SRMS: variants seen among roughly 807,000 people sequenced by gnomAD.
SRMS encodes the protein src-related kinase lacking C-terminal regulatory tyrosine and N-terminal myristylation sites, also known as tyrosine-protein kinase Srms.
In SRMS, 42 loss-of-function variants were observed where a neutral mutation model predicts 43.5. That is an observed-to-expected ratio of 0.97 (90% confidence interval 0.75 to 1.25). The LOEUF is 1.25. SRMS is among the 50% of genes most tolerant of loss of function. The probability of loss-of-function intolerance (pLI) is 0.00; values close to 1 mark genes in which losing one functional copy is unlikely to be tolerated. For synonymous variants in SRMS, 316 were observed against 308.2 expected, an observed-to-expected ratio of 1.03 and a Z score of -0.27; for missense variants, 703 against 681.0, an observed-to-expected ratio of 1.03 and a Z score of -0.36.
intron 1 of SRMS, among the ~76,000 whole-genome samples, chr20:63,544,891 A>G (rs2082723066): frequency 6.6e-6 from 1 of 152,174 alleles, no homozygotes; most frequent in South Asian, 2.1e-4. Flanking sequence ...GGAGGTCAGG[A>G]GGGGCAGCCA....
chr20:63,544,373 AC>A, intron 1 of SRMS, 25 bp from the exon 2 acceptor site: 1 of 1,454,230 alleles, frequency 6.9e-7, no homozygotes, highest in East Asian at 2.9e-5. Context: ...TGCGGCAGTC[AC>A]CTTGCAGGCC....
rs200526906 is a variant in SRMS, at chr20:63,547,270, C to T, written c.194G>A (p.Arg65Gln). ...LFLALYDFTA[R>Q]CGGELSVRRG... ...GCGGACACTCAGCTCCCCGCCACACCGCGCCGTGAAGTCATAGAGCGCAAG... is the reference window on the plus strand; with the variant it reads ...GCGGACACTCAGCTCCCCGCCACACTGCGCCGTGAAGTCATAGAGCGCAAG... Residue 65 changes from arginine to glutamine, a missense_variant, in exon 1 of 8, where the codon CGG (arginine) becomes CAG (glutamine). By Grantham distance (43) the Arg-to-Gln change is conservative (BLOSUM62 1). Coordinates refer to ENST00000217188, the MANE Select transcript of SRMS (RefSeq NM_080823.4). 2.1e-4 allele frequency: 340 copies of T among 1,610,204 alleles called. No individual in the cohort carries two copies. The highest frequency in any genetic ancestry group is 1.2e-4 in the South Asian group (11 of 90,834).
rs369945958 is a variant in SRMS at position 63,542,437 on chromosome 20, C to T, written c.787+3G>A. On this transcript the variant is annotated splice_donor_region_variant and intron_variant, in intron 4 of 7. Transcript: ENST00000217188. Reference sequence around the variant, plus strand: ...GCCGTGGCGCAGGATCTCGGGGCCTCACCTGACTTGATGACCTTGATCGCC... The same window carrying T: ...GCCGTGGCGCAGGATCTCGGGGCCTTACCTGACTTGATGACCTTGATCGCC... The T allele has an allele frequency of 2.5e-6, 4 of 1,610,736 alleles. No homozygotes were observed. In the African/African-American group the frequency reaches 5.3e-5, roughly 22 times the overall value.
rs2145987461 is a variant in SRMS, at chr20:63,547,299, G to C, written c.165C>G (p.Leu55=). ...CCGTGAAGTCATAGAGCGCAAGGAA[G>C]AGCTGAGGGAAGGGGCTGCAAGGCT... The part of the protein sequence containing the change: ...PAEPCSPFPQ[L]FLALYDFTAR... The change falls in exon 1 of 8, where the codon CTC becomes CTG. Residue 55 remains leucine (L), a synonymous_variant. Transcript: ENST00000217188. 4 of 1,603,824 alleles carry C rather than the reference G, an allele frequency of 2.5e-6. No individual in the cohort carries two copies. The highest frequency in any genetic ancestry group is 2.6e-6 in the Non-Finnish European group (3 of 1,173,586).
At position 63,547,275 on chromosome 20, in the gene SRMS, C is replaced by A; in HGVS notation, c.189G>T (p.Thr63=). ...PQLFLALYDF[T]ARCGGELSVR... ...CACTCAGCTCCCCGCCACACCGCGC[C>A]GTGAAGTCATAGAGCGCAAGGAAGA... Residue 63 remains threonine, a synonymous_variant, in exon 1 of 8, where the codon ACG becomes ACT. Transcript: ENST00000217188. 3 of 1,610,096 alleles carry A rather than the reference C, an allele frequency of 1.9e-6. No individual in the cohort carries two copies. The highest frequency in any genetic ancestry group is 1.7e-6 in the Non-Finnish European group (2 of 1,178,200).
intron 1 of SRMS, among the ~76,000 whole-genome samples, chr20:63,544,640 AG>A (rs1398073293): frequency 1.2e-4 from 18 of 152,038 alleles, no homozygotes; most frequent in African/African-American, 3.9e-4. Flanking sequence ...CCCCAGCCAC[AG>A]GTTAACAGTC....
intron 3 of SRMS, 58 bp from the exon 4 acceptor site, chr20:63,542,639 G>C: frequency 6.5e-7 from 1 of 1,533,790 alleles, no homozygotes; most frequent in Non-Finnish European, 8.8e-7. Context: ...TCTGTCCCAG[G>C]CACAGCCCCC....
chr20:63,545,824 C>T (rs750558544), intron 1 of SRMS, among the ~76,000 whole-genome samples: 1 of 152,096 alleles, frequency 6.6e-6, no homozygotes, highest in Non-Finnish European at 1.5e-5. Context: ...AACCCTCTCA[C>T]GTGTAAAGGG....
Position 63,542,546 on chromosome 20 carries a change from G to A in SRMS, c.681C>T (p.His227=). 1 of 1,612,492 alleles carries A rather than the reference G, an allele frequency of 6.2e-7. No individual in the cohort carries two copies. The highest frequency in any genetic ancestry group is 1.1e-5 in the South Asian group (1 of 91,080). ...GCTTCCTCCCAAGGGCGAATTCGGAGTGTGGCCGCTCCCACACGTCCTGCC... is the reference window on the plus strand; with the variant it reads ...GCTTCCTCCCAAGGGCGAATTCGGAATGTGGCCGCTCCCACACGTCCTGCC... ...APRQDVWERP[H]SEFALGRKLG... Residue 227 remains histidine (H), a synonymous_variant, in exon 4 of 8, where the codon CAC becomes CAT. Coordinates refer to ENST00000217188, the MANE Select transcript of SRMS (RefSeq NM_080823.4).
intron 1 of SRMS, among the ~76,000 whole-genome samples, chr20:63,546,065 A>G (rs1467196495): frequency 6.6e-6 from 1 of 152,080 alleles, no homozygotes; most frequent in African/African-American, 2.4e-5. Context: ...CAGCCTAGGC[A>G]AATAGTCATT....
chr20:63,544,297 G>C lies in SRMS; in HGVS notation c.408C>G (p.Ser136=). The C allele has an allele frequency of 6.7e-7, 1 of 1,484,938 alleles. No individual in the cohort carries two copies. Among genetic ancestry groups the C allele is most frequent in the Non-Finnish European group, 8.9e-7 (1 of 1,118,680 alleles). 92.0% of individuals were successfully genotyped at this position (1,484,938 alleles called of 1,614,324 possible). The change falls in exon 2 of 8, where the codon TCC becomes TCG. Residue 136 remains serine (S), a synonymous_variant. Coordinates refer to ENST00000217188, the MANE Select transcript of SRMS (RefSeq NM_080823.4). The stretch of plus-strand genomic sequence containing the variant: ...GGAAGGCCCCTGGTTCGTTGGGTGG[G>C]GAGAGGAGCAGCTGCTGTGCCTGGG... ...SRTQAQQLLL[S]PPNEPGAFLI...
At chr20:63,546,975 A>T (rs1395316602) in intron 1 of SRMS, 133 bp downstream of exon 1, 1 of 857,334 alleles carries the variant, frequency 1.2e-6, no homozygotes, top group Non-Finnish European at 1.7e-6. Flanking sequence ...CTGTCCCTGA[A>T]TGAATGCGTG....
At chr20:63,543,165 G>A (rs1302801918) in intron 3 of SRMS, 149 bp downstream of exon 3, 10 of 943,802 alleles carry the variant, frequency 1.1e-5, no homozygotes, top group Non-Finnish European at 1.4e-5. Flanking sequence ...TGGAACCGCT[G>A]GGATGCTCCG....
intron 2 of SRMS, chr20:63,543,759 T>G: frequency 2.4e-6 from 1 of 420,820 alleles, no homozygotes; most frequent in South Asian, 5.8e-5. Flanking sequence ...AGTCAGTGAA[T>G]GAATGAAGGA....
rs540267170 is a variant in SRMS, at chr20:63,545,000, G to C, written c.357-652C>G. On this transcript the variant is annotated intron_variant, in intron 1 of 7. Transcript: ENST00000217188. ...GTACAGGACGGCCCTAAGCCCACTGGCGTCTGTTCGCACAGACACCCCCTC... is the reference window on the plus strand; with the variant it reads ...GTACAGGACGGCCCTAAGCCCACTGCCGTCTGTTCGCACAGACACCCCCTC... Among the ~76,000 whole-genome samples the C allele has an allele frequency of 1.6e-3, 245 of 152,334 alleles. 1 individual carries two copies. Among genetic ancestry groups the C allele is most frequent in the Middle Eastern group, 6.8e-3 (2 of 294 alleles).
rs1421751237 is a variant in SRMS at position 63,540,814 on chromosome 20, G to C, written c.*4C>G. 3 of 1,595,250 alleles carry C rather than the reference G, an allele frequency of 1.9e-6. No individual in the cohort carries two copies. The South Asian group carries it at 3.3e-5, about 18-fold the overall frequency. ...GAGCCCAGAGCGTTGGGTCACGTGA[G>C]GACTCAGGGGTGGCATCTGTGGATG... On this transcript the variant is annotated 3_prime_UTR_variant, in exon 8 of 8. Coordinates refer to ENST00000217188, the MANE Select transcript of SRMS (RefSeq NM_080823.4).
At chr20:63,542,771 C>A (rs1260448308) in intron 3 of SRMS, among the ~76,000 whole-genome samples, 190 bp from the exon 4 acceptor site, 2 of 152,212 alleles carry the variant, frequency 1.3e-5, no homozygotes, top group African/African-American at 2.4e-5. Flanking sequence ...GCTCATTGCT[C>A]TGGGGGCCTA....
rs940014947 is a variant in SRMS at position 63,540,479 on chromosome 20, G to A, written c.*339C>T. ...GTCTCTCTTGAGAGGCCAGGGACAC[G>A]TGTCACACTGCACGGGGAACGTCAG... On this transcript the variant is annotated 3_prime_UTR_variant, in exon 8 of 8. Coordinates refer to ENST00000217188, the MANE Select transcript of SRMS (RefSeq NM_080823.4). Among the ~76,000 whole-genome samples, 3 of 152,106 alleles carry A rather than the reference G, an allele frequency of 2.0e-5. No homozygotes were observed. The highest frequency in any genetic ancestry group is 4.4e-5 in the Non-Finnish European group (3 of 68,030).
chr20:63,542,014 G>C, intron 5 of SRMS, 149 bp downstream of exon 5: 2 of 1,163,798 alleles, frequency 1.7e-6, no homozygotes, highest in South Asian at 1.6e-5. Context: ...CTGGAGACCA[G>C]ACAGGGATGG....
Sources: allele counts gnomAD v4.1 joint callset (sites outside exome capture counted in the v4.1 genomes callset), GRCh38; gene constraint gnomAD v4.1.1; transcripts MANE v1.5; gene names NCBI Gene and HGNC (gene_info 2026-07-23, HGNC 2026-07-21).